KLF8: variants seen among roughly 807,000 people sequenced by gnomAD.
The protein encoded by KLF8 is Krueppel-like factor 8.
A neutral mutation model predicts 18.2 loss-of-function variants in KLF8; 10 were observed. The ratio of observed to expected loss-of-function variants is 0.55; its 90% CI spans 0.34 to 0.93. KLF8 has a LOEUF of 0.93. KLF8 is among the 40% of genes least tolerant of loss of function. The pLI, the probability that KLF8 is intolerant of heterozygous loss-of-function variation, is 0.02. For missense variants in KLF8, 264 were observed against 277.9 expected, an observed-to-expected ratio of 0.95 and a Z score of 0.36; for synonymous variants, 109 against 97.3, an observed-to-expected ratio of 1.12 and a Z score of -0.71.
chrX:56,157,137 A>G, the KLF8 span, among the ~76,000 whole-genome samples: 1 of 106,828 alleles, frequency 9.4e-6, no homozygotes, highest in East Asian at 3.1e-4. Context: ...TGCAAGGAGA[A>G]AAAAACCAAA....
chrX:56,045,468 A>T, the KLF8 span, among the ~76,000 whole-genome samples: 1 of 111,373 alleles, frequency 9.0e-6, no homozygotes, highest in Non-Finnish European at 1.9e-5. Flanking sequence ...AATTGCATTG[A>T]ATTTGTAGAT....
At chrX:56,012,584 A>C in the KLF8 span, among the ~76,000 whole-genome samples, 1 of 111,713 alleles carries the variant, frequency 9.0e-6, no homozygotes, top group Admixed American at 9.5e-5. Flanking sequence ...TAGTATTGGA[A>C]GTTCTGGCCA....
the KLF8 span, among the ~76,000 whole-genome samples, chrX:56,144,924 C>T: frequency 9.3e-6 from 1 of 107,007 alleles, no homozygotes; most frequent in African/African-American, 3.4e-5. Flanking sequence ...TCCCGAGTAG[C>T]TGGGATTACA....
the KLF8 span, among the ~76,000 whole-genome samples, chrX:55,964,315 C>A: frequency 8.9e-6 from 1 of 112,268 alleles, no homozygotes; most frequent in Non-Finnish European, 1.9e-5. Context: ...CAGGTTCACA[C>A]CTGTATTCCC....
the KLF8 span, among the ~76,000 whole-genome samples, chrX:55,952,399 G>A: frequency 8.9e-6 from 1 of 112,314 alleles, no homozygotes; most frequent in South Asian, 3.7e-4. Context: ...AGTTCTGAAG[G>A]TCAGAACGCC....
At chrX:55,945,229 G>C in the KLF8 span, among the ~76,000 whole-genome samples, 3,129 of 110,562 alleles carry the variant, frequency 0.028, 123 homozygotes, top group African/African-American at 0.098. Context: ...TTTACATTTG[G>C]TGAGGAGAGC....
the KLF8 span, among the ~76,000 whole-genome samples, chrX:56,220,466 TTTTTTTCTTTC>T: frequency 4.7e-5 from 5 of 107,415 alleles, no homozygotes; most frequent in African/African-American, 1.9e-4. Flanking sequence ...TTTTCGTGGG[TTTTTTTCTTTC>T]TTTTTTCTTT....
At chrX:56,057,413 C>G in the KLF8 span, among the ~76,000 whole-genome samples, 1 of 111,160 alleles carries the variant, frequency 9.0e-6, no homozygotes, top group Non-Finnish European at 1.9e-5. Context: ...ACTGACAAAC[C>G]AAGGAAAGCA....
At chrX:56,053,508 G>C in the KLF8 span, among the ~76,000 whole-genome samples, 3 of 104,503 alleles carry the variant, frequency 2.9e-5, no homozygotes, top group Admixed American at 3.1e-4. Context: ...TTTGATGTCA[G>C]GATCGTGAAA....
At chrX:56,093,115 A>G in the KLF8 span, among the ~76,000 whole-genome samples, 1 of 111,432 alleles carries the variant, frequency 9.0e-6, no homozygotes, top group East Asian at 2.8e-4. Context: ...AAAAGAGAAG[A>G]AACAGAAGAA....
the KLF8 span, among the ~76,000 whole-genome samples, chrX:56,177,298 G>C: frequency 7.3e-4 from 81 of 110,965 alleles, no homozygotes; most frequent in African/African-American, 2.2e-3. Flanking sequence ...TGTCCTTTCT[G>C]CTTGTTAGTT....
At chrX:56,026,376 C>T in the KLF8 span, among the ~76,000 whole-genome samples, 1 of 111,821 alleles carries the variant, frequency 8.9e-6, no homozygotes, top group Non-Finnish European at 1.9e-5. Flanking sequence ...CTGTAGCTGT[C>T]GCTGCAATTC....
At chrX:56,273,269 A>T (rs1467318982) in intron 5 of KLF8, among the ~76,000 whole-genome samples, 2 of 111,452 alleles carry the variant, frequency 1.8e-5, no homozygotes, top group Admixed American at 1.9e-4. Flanking sequence ...GTCAAATCAG[A>T]GTAAAGGGGT....
At chrX:56,139,821 A>G in the KLF8 span, among the ~76,000 whole-genome samples, 1 of 111,668 alleles carries the variant, frequency 9.0e-6, no homozygotes, top group Admixed American at 9.6e-5. Context: ...AAAATAAACT[A>G]TCAACAAAGT....
chrX:56,018,589 C>A, the KLF8 span, among the ~76,000 whole-genome samples: 1 of 110,769 alleles, frequency 9.0e-6, no homozygotes, highest in Admixed American at 9.7e-5. Context: ...GGGAAAAATA[C>A]ACACACACAC....
chrX:56,185,226 T>G, the KLF8 span, among the ~76,000 whole-genome samples: 1 of 111,849 alleles, frequency 8.9e-6, no homozygotes, highest in East Asian at 2.8e-4. Context: ...ACGTGAAGAA[T>G]GCAGAAACCT....
At chrX:56,099,792 A>G in the KLF8 span, among the ~76,000 whole-genome samples, 1 of 111,834 alleles carries the variant, frequency 8.9e-6, no homozygotes. Flanking sequence ...GAGAGTGTTG[A>G]AGAGGCTGCA....
At chrX:56,163,063 A>G in the KLF8 span, among the ~76,000 whole-genome samples, 1 of 112,195 alleles carries the variant, frequency 8.9e-6, no homozygotes, top group Non-Finnish European at 1.9e-5. Context: ...ACATGCATGT[A>G]TGTGTCTTTA....
chrX:55,946,291 T>G, the KLF8 span, among the ~76,000 whole-genome samples: 1 of 111,417 alleles, frequency 9.0e-6, no homozygotes, highest in African/African-American at 3.3e-5. Context: ...AACAGAGATG[T>G]AGATCAATGG....
Sources: gnomAD v4.1 joint callset for allele counts (sites outside exome capture counted in the v4.1 genomes callset) on GRCh38, gnomAD v4.1.1 for gene constraint, MANE v1.5 for transcripts, NCBI Gene and HGNC (gene_info 2026-07-23, HGNC 2026-07-21) for gene names.